SLC5A9: variants seen among roughly 807,000 people sequenced by gnomAD.
The protein encoded by SLC5A9 is solute carrier family 5 member 9.
In SLC5A9, 59 loss-of-function variants were observed where a neutral mutation model predicts 70.9. That is an observed-to-expected ratio of 0.83 (90% CI 0.68 to 1.03). The LOEUF (loss-of-function observed/expected upper bound fraction) is 1.03, where lower values mean the gene tolerates loss of function less well. Ranked by LOEUF, SLC5A9 falls within the 50% of genes least tolerant of loss-of-function variation. The pLI is 0.00. For synonymous variants in SLC5A9, 340 were observed against 346.5 expected (o/e 0.98, Z 0.21); for missense variants, 832 against 881.1 (o/e 0.94, Z 0.71).
At chr1:48,223,053 T>A (rs1362000485) in intron 1 of SLC5A9, among the ~76,000 whole-genome samples, 155 bp downstream of exon 1, 1 of 151,926 alleles carries the variant, frequency 6.6e-6, no homozygotes, top group East Asian at 1.9e-4. Context: ...AGGCTCCTGA[T>A]CTCCTCATTT....
At chr1:48,240,015 CAGAG>C (rs1644374376) in intron 12 of SLC5A9, among the ~76,000 whole-genome samples, 1 of 152,178 alleles carries the variant, frequency 6.6e-6, no homozygotes, top group Admixed American at 6.5e-5. Flanking sequence ...AGAAAAGAAA[CAGAG>C]AGCTTACTAG....
In SLC5A9 at chr1:48,239,872, C is replaced by G. The variant is rs1328151574; in HGVS notation, c.1677+335C>G. Reference sequence around the variant, plus strand: ...AAAGTGCAGAAGGACCAAGCTCAACCAGAGGGGCCAAGAACAGAGGGAGAG... The same window carrying G: ...AAAGTGCAGAAGGACCAAGCTCAACGAGAGGGGCCAAGAACAGAGGGAGAG... On this transcript the variant is annotated intron_variant, in intron 12 of 13. Transcript: ENST00000438567. The surrounding 1 kb of genome is among the most constrained non-coding windows in gnomAD (Gnocchi z 4.2). 2.6e-5 allele frequency among the ~76,000 whole-genome samples: 4 copies of G among 152,174 alleles called. No individual in the cohort carries two copies. The highest frequency in any genetic ancestry group is 1.3e-4 in the Admixed American group (2 of 15,280).
chr1:48,235,977 T>C, intron 10 of SLC5A9, 98 bp downstream of exon 10: 2 of 1,433,282 alleles, frequency 1.4e-6, no homozygotes, highest in Non-Finnish European at 9.6e-7. Context: ...GACCCTGGAC[T>C]GGCAGCCAGA....
At chr1:48,234,259 G>A (rs1644297027) in intron 9 of SLC5A9, among the ~76,000 whole-genome samples, 1 of 152,216 alleles carries the variant, frequency 6.6e-6, no homozygotes, top group Admixed American at 6.5e-5. Context: ...CAGGAAGTCT[G>A]AATTGAAAGC....
intron 13 of SLC5A9, among the ~76,000 whole-genome samples, chr1:48,243,325 T>C (rs6685450): frequency 0.73 from 111,102 of 151,976 alleles, 42,454 homozygotes; most frequent in East Asian, 0.99. Context: ...CACCCTCCCA[T>C]ACCTCTGGGT....
chr1:48,246,357 G>A (rs1049056449), intron 13 of SLC5A9, among the ~76,000 whole-genome samples: 22 of 152,038 alleles, frequency 1.4e-4, no homozygotes, highest in South Asian at 6.2e-4. Context: ...CAGACCAGAT[G>A]GCATCCAAGG....
At chr1:48,237,582 C>A in intron 10 of SLC5A9, 97 bp from the exon 11 acceptor site, 1 of 1,226,420 alleles carries the variant, frequency 8.2e-7, no homozygotes, top group Non-Finnish European at 1.2e-6. Context: ...GTACATTCCC[C>A]TTCTTTCTCC....
intron 9 of SLC5A9, among the ~76,000 whole-genome samples, chr1:48,234,342 G>C (rs887644567): frequency 6.6e-6 from 1 of 152,218 alleles, no homozygotes; most frequent in South Asian, 2.1e-4. Flanking sequence ...GCCAAGCCTT[G>C]TTCTAGAGCA....
intron 2 of SLC5A9, among the ~76,000 whole-genome samples, chr1:48,226,769 A>G (rs1459257144): frequency 1.3e-5 from 2 of 152,134 alleles, no homozygotes; most frequent in African/African-American, 2.4e-5. Context: ...TAGGAGCAGG[A>G]GAAGTGAGGT....
intron 10 of SLC5A9, 107 bp from the exon 11 acceptor site, chr1:48,237,572 G>A: frequency 9.2e-7 from 1 of 1,092,532 alleles, no homozygotes. Flanking sequence ...TCTAGTGATT[G>A]TACATTCCCC....
At chr1:48,230,783 C>CAG (rs1644237516) in intron 5 of SLC5A9, 78 bp downstream of exon 5, 5 of 1,073,064 alleles carry the variant, frequency 4.7e-6, no homozygotes, top group South Asian at 1.3e-5. Flanking sequence ...GAGAGACAAC[C>CAG]AGAGAGAGAG....
At chr1:48,241,154 A>G (rs1418617004) in intron 12 of SLC5A9, 1 of 152,144 alleles carries the variant, frequency 6.6e-6, no homozygotes, top group Non-Finnish European at 1.5e-5. Flanking sequence ...TGTGGCCTAT[A>G]ACCTGTCTCA....
intron 6 of SLC5A9, 97 bp from the exon 7 acceptor site, chr1:48,231,849 G>T: frequency 6.3e-7 from 1 of 1,576,198 alleles, no homozygotes; most frequent in South Asian, 1.2e-5. Flanking sequence ...CCCCATGCCA[G>T]TTCCAACCTG....
chr1:48,241,421 C>A (rs1288679275), intron 12 of SLC5A9, among the ~76,000 whole-genome samples: 1 of 152,154 alleles, frequency 6.6e-6, no homozygotes, highest in African/African-American at 2.4e-5. Context: ...TGCTTGGGCC[C>A]AGCACAGTGG....
intron 8 of SLC5A9, 110 bp downstream of exon 8, chr1:48,232,612 G>A (rs1310693416): frequency 1.4e-6 from 2 of 1,432,958 alleles, no homozygotes; most frequent in Admixed American, 1.9e-5. Flanking sequence ...GGGTTGGCAA[G>A]GTTTGTCTAT....
At chr1:48,244,824 T>C (rs1644435814) in intron 13 of SLC5A9, among the ~76,000 whole-genome samples, 1 of 75,840 alleles carries the variant, frequency 1.3e-5, no homozygotes. Context: ...TATATTTATA[T>C]TATATATATA....
Position 48,232,377 on chromosome 1 carries a change from A to T in SLC5A9, c.908A>T (p.Gln303Leu). ...WCWCTDQVIV[Q>L]RSLSAKSLSH... The stretch of plus-strand genomic sequence containing the variant: ...TTGCTGCCCTTTCAGGTCATTGTGC[A>T]GCGGTCTCTCTCGGCCAAGAGTCTG... Residue 303 changes from glutamine (Q) to leucine (L), a missense_variant, in exon 8 of 14, where the codon CAG becomes CTG. By Grantham distance (113) the Gln-to-Leu change is moderately radical. Coordinates refer to ENST00000438567, the MANE Select transcript of SLC5A9 (RefSeq NM_001011547.3). 1 of 1,614,122 alleles carries T rather than the reference A, an allele frequency of 6.2e-7. No homozygotes were observed. Among genetic ancestry groups the T allele is most frequent in the Non-Finnish European group, 8.5e-7 (1 of 1,180,008 alleles).
chr1:48,243,461 AT>A (rs1436817276), intron 13 of SLC5A9, among the ~76,000 whole-genome samples: 5 of 152,236 alleles, frequency 3.3e-5, no homozygotes. Context: ...GTTGAAAATT[AT>A]TTTAAGACAT....
At chr1:48,225,776 G>A (rs891718647) in intron 2 of SLC5A9, among the ~76,000 whole-genome samples, 3 of 151,780 alleles carry the variant, frequency 2.0e-5, no homozygotes, top group African/African-American at 4.8e-5. Flanking sequence ...CTTCTCTCAC[G>A]CACTCACACT....
Sources: allele counts gnomAD v4.1 joint callset (sites outside exome capture counted in the v4.1 genomes callset), GRCh38; gene constraint gnomAD v4.1.1; non-coding constraint Gnocchi (gnomAD v3.1); transcripts MANE v1.5; gene names NCBI Gene and HGNC (gene_info 2026-07-23, HGNC 2026-07-21).